The following SLC25A48 variants were observed in gnomAD, a reference collection of about 807,000 sequenced individuals.
The protein encoded by SLC25A48 is CTC-321K16.1.
In SLC25A48, 29 loss-of-function variants were observed where a neutral mutation model predicts 32.2. That is an observed-to-expected ratio of 0.90 (90% CI 0.67 to 1.23). The LOEUF is 1.23. SLC25A48 is among the 50% of genes most tolerant of loss of function. SLC25A48 has a pLI of 0.00. For synonymous variants in SLC25A48, 164 were observed against 172.3 expected (o/e 0.95, Z 0.38); for missense variants, 399 against 422.7 (o/e 0.94, Z 0.49).
rs1756681781 is a variant in SLC25A48 at position 135,780,049 on chromosome 5, G to A, written c.-520-32474G>A. Among the ~76,000 whole-genome samples the A allele has an allele frequency of 1.7e-5, 2 of 116,382 alleles. 1 individual carries two copies. The highest frequency in any genetic ancestry group is 6.1e-4 in the South Asian group (2 of 3,268). The allele number at this position is 116,382 out of a possible 152,430, so 76.4% of individuals were successfully genotyped here. On this transcript the variant is annotated intron_variant, in intron 3 of 10. Transcript: ENST00000646290. ...TGATATTACTCCAAATATCTGATAG[G>A]GTGTACAAAACTCCCTGTGATATTG...
Position 135,847,366 on chromosome 5 carries a change from G to T in SLC25A48, c.91-3059G>T, listed in dbSNP as rs1197029987. Among the ~76,000 whole-genome samples, 5 of 152,190 alleles carry T rather than the reference G, an allele frequency of 3.3e-5. No individual in the cohort carries two copies. In the East Asian group the frequency reaches 9.6e-4, roughly 29 times the overall value. On this transcript the variant is annotated intron_variant, in intron 2 of 7. Coordinates refer to ENST00000681962, the MANE Select transcript of SLC25A48 (RefSeq NM_001349336.2). The stretch of plus-strand genomic sequence containing the variant: ...AGCAGCCTCTGGGGTCCTGTGGAGT[G>T]AAAGGCCTTGGGGATGAACAAAACG...
At chr5:135,714,982 AC>A (rs1444292145) in intron 3 of SLC25A48, among the ~76,000 whole-genome samples, 1 of 152,102 alleles carries the variant, frequency 6.6e-6, no homozygotes, top group African/African-American at 2.4e-5. Flanking sequence ...TCGGAGCTTC[AC>A]CCTGTAACAA....
intron 4 of SLC25A48, among the ~76,000 whole-genome samples, chr5:135,855,276 G>A (rs1760219995): frequency 6.6e-6 from 1 of 152,144 alleles, no homozygotes; most frequent in South Asian, 2.1e-4. Context: ...CCTTCAATTT[G>A]TAAAAAATGA....
At chr5:135,654,737 G>A (rs998114500) in intron 3 of SLC25A48, among the ~76,000 whole-genome samples, 7 of 152,318 alleles carry the variant, frequency 4.6e-5, no homozygotes, top group African/African-American at 1.7e-4. Flanking sequence ...TCATGATCTG[G>A]GTGGGCCTTG....
intron 1 of SLC25A48, among the ~76,000 whole-genome samples, chr5:135,841,835 A>G (rs1040506197): frequency 6.6e-6 from 1 of 152,174 alleles, no homozygotes; most frequent in Non-Finnish European, 1.5e-5. Context: ...TGGAGAGGGT[A>G]ACCCTCCCAG....
intron 3 of SLC25A48, among the ~76,000 whole-genome samples, chr5:135,654,888 C>G (rs565024795): frequency 6.6e-6 from 1 of 152,240 alleles, no homozygotes; most frequent in Non-Finnish European, 1.5e-5. Context: ...TGCCCCACTC[C>G]TGTGTGTATT....
At chr5:135,611,039 T>A (rs919166588) in intron 1 of SLC25A48, among the ~76,000 whole-genome samples, 1 of 152,228 alleles carries the variant, frequency 6.6e-6, no homozygotes, top group Non-Finnish European at 1.5e-5. Flanking sequence ...GAGTGTTCCA[T>A]GTGTCTGGAA....
chr5:135,828,976 A>G (rs1185237320), intron 4 of SLC25A48, among the ~76,000 whole-genome samples: 1 of 152,128 alleles, frequency 6.6e-6, no homozygotes, highest in Non-Finnish European at 1.5e-5. Flanking sequence ...TTCCAGCTCA[A>G]ATGCTGCTCC....
intron 3 of SLC25A48, among the ~76,000 whole-genome samples, chr5:135,661,401 A>G (rs1039612007): frequency 6.6e-6 from 1 of 152,188 alleles, no homozygotes; most frequent in Admixed American, 6.5e-5. Flanking sequence ...GCAGTTCTAC[A>G]ATGCTCCTTT....
intron 1 of SLC25A48, among the ~76,000 whole-genome samples, chr5:135,590,339 T>C (rs962522592): frequency 1.1e-4 from 16 of 152,092 alleles, no homozygotes; most frequent in African/African-American, 3.9e-4. Flanking sequence ...TGGAGAACCC[T>C]GAAGAGCTGG....
chr5:135,770,251 A>T (rs1332863446), intron 3 of SLC25A48, among the ~76,000 whole-genome samples: 1 of 150,006 alleles, frequency 6.7e-6, no homozygotes, highest in African/African-American at 2.5e-5. Flanking sequence ...GGAGGAGAGG[A>T]TGATATTACT....
intron 1 of SLC25A48, among the ~76,000 whole-genome samples, chr5:135,581,817 G>C (rs1751240696): frequency 6.6e-6 from 1 of 152,250 alleles, no homozygotes; most frequent in African/African-American, 2.4e-5. Context: ...CATGGTACAG[G>C]AGAGCATGAG....
At chr5:135,640,255 A>G (rs754622465) in intron 3 of SLC25A48, among the ~76,000 whole-genome samples, 12 of 152,236 alleles carry the variant, frequency 7.9e-5, no homozygotes, top group Non-Finnish European at 1.6e-4. Context: ...AAAATTGAAC[A>G]GAGACTCATG....
intron 3 of SLC25A48, among the ~76,000 whole-genome samples, chr5:135,641,830 C>T (rs563659353): frequency 1.6e-4 from 25 of 152,326 alleles, no homozygotes; most frequent in African/African-American, 6.0e-4. Context: ...ACCATCATCC[C>T]CTTCATCACC....
At chr5:135,633,846 A>G (rs771561211) in intron 2 of SLC25A48, among the ~76,000 whole-genome samples, 11 of 152,198 alleles carry the variant, frequency 7.2e-5, no homozygotes, top group Admixed American at 1.3e-4. Context: ...TGTTTGCTCA[A>G]TTTTAAAATC....
chr5:135,834,548 T>G (rs1268028694), upstream of SLC25A48: 3 of 432,994 alleles, frequency 6.9e-6, no homozygotes, highest in Non-Finnish European at 1.2e-5. Flanking sequence ...AGAATTTCAC[T>G]TGATGACCCT....
chr5:135,695,575 C>A (rs1184172348), intron 3 of SLC25A48, among the ~76,000 whole-genome samples: 1 of 152,194 alleles, frequency 6.6e-6, no homozygotes, highest in Non-Finnish European at 1.5e-5. Context: ...CTTCTCCCTT[C>A]AGCCCCTGCT....
intron 3 of SLC25A48, among the ~76,000 whole-genome samples, chr5:135,674,863 C>T (rs974013728): frequency 6.6e-6 from 1 of 151,624 alleles, no homozygotes; most frequent in Admixed American, 6.6e-5. Context: ...TGGATAAATA[C>T]CCAGTAATGG....
intron 3 of SLC25A48, among the ~76,000 whole-genome samples, chr5:135,742,109 T>C (rs1025648469): frequency 6.6e-6 from 1 of 152,208 alleles, no homozygotes; most frequent in African/African-American, 2.4e-5. Flanking sequence ...TTTGAGAGTC[T>C]CATTCTGTCA....
Sources: allele counts gnomAD v4.1 joint callset (sites outside exome capture counted in the v4.1 genomes callset), GRCh38; gene constraint gnomAD v4.1.1; transcripts MANE v1.5; gene names NCBI Gene and HGNC (gene_info 2026-07-23, HGNC 2026-07-21).